The following FOXP2 variants were observed in gnomAD, a reference collection of about 807,000 sequenced individuals.
FOXP2 encodes forkhead box P2, also known as forkhead box protein P2.
A neutral mutation model predicts 115.8 loss-of-function variants in FOXP2; 12 were observed. The ratio of observed to expected loss-of-function variants is 0.10; its 90% confidence interval spans 0.07 to 0.17. The LOEUF is 0.17. Among genes scored for constraint, FOXP2 ranks in the 10% least tolerant of loss-of-function variants. FOXP2 has a pLI of 1.00. For missense variants in FOXP2, 629 were observed against 843.5 expected (o/e 0.75, Z 3.15); for synonymous variants, 328 against 297.7 (o/e 1.10, Z -1.05).
At chr7:114,088,516 T>A (rs1450218331) in intron 1 of FOXP2, among the ~76,000 whole-genome samples, 1 of 152,260 alleles carries the variant, frequency 6.6e-6, no homozygotes, top group Non-Finnish European at 1.5e-5. Flanking sequence ...GATTTACTTT[T>A]AGAAAACAAA....
At chr7:114,130,432 C>G (rs953826860) in intron 1 of FOXP2, among the ~76,000 whole-genome samples, 2 of 152,116 alleles carry the variant, frequency 1.3e-5, no homozygotes, top group Admixed American at 1.3e-4. Context: ...TGTTCATTTT[C>G]CTCATTATTT....
intron 2 of FOXP2, among the ~76,000 whole-genome samples, chr7:114,389,387 A>G (rs970229214): frequency 1.3e-5 from 2 of 152,218 alleles, no homozygotes; most frequent in African/African-American, 4.8e-5. Context: ...GGGGCCTTAA[A>G]GAAATGTTAT....
In FOXP2 at chr7:114,334,931, C is replaced by CTATATATATATATATA. The variant is rs144511332; in HGVS notation, c.-11+46835_-11+46850dup. Among the ~76,000 whole-genome samples the CTATATATATATATATA allele has an allele frequency of 6.2e-3, 739 of 119,206 alleles. 8 individuals are homozygous for CTATATATATATATATA. Among genetic ancestry groups the CTATATATATATATATA allele is most frequent in the East Asian group, 0.018 (59 of 3,324 alleles). 78.2% of individuals were successfully genotyped at this position (119,206 alleles called of 152,430 possible). On this transcript the variant is annotated intron_variant, in intron 2 of 17. Transcript: ENST00000634411. ...ATATATATTTTATATATATAGAAATCTATATATATATATATATATATATAT... is the reference window on the plus strand; with the variant it reads ...ATATATATTTTATATATATAGAAATCTATATATATATATATATATATATATATATATATATATATAT...
chr7:114,094,831 T>C (rs1799610274), intron 1 of FOXP2, among the ~76,000 whole-genome samples: 1 of 151,994 alleles, frequency 6.6e-6, no homozygotes, highest in Admixed American at 6.6e-5. Flanking sequence ...CACTAAATTT[T>C]TAAAATTTTA....
chr7:114,111,936 G>A (rs1868757), intron 1 of FOXP2, among the ~76,000 whole-genome samples: 70,573 of 151,306 alleles, frequency 0.47, 17,471 homozygotes, highest in African/African-American at 0.63. Context: ...AAAAATGGGT[G>A]TTTATTCAAG....
chr7:114,420,437 C>T (rs1318577717), intron 1 of FOXP2, among the ~76,000 whole-genome samples: 9 of 151,846 alleles, frequency 5.9e-5, no homozygotes, highest in African/African-American at 1.4e-4. Flanking sequence ...GTTTCCTAAA[C>T]GAAAATATTC....
intron 2 of FOXP2, among the ~76,000 whole-genome samples, chr7:114,363,115 G>A (rs188452909): frequency 6.6e-6 from 1 of 152,154 alleles, no homozygotes; most frequent in Admixed American, 6.5e-5. Context: ...AACAAAGAAA[G>A]TAAAATGTAA....
chr7:114,465,285 T>C (rs1015115575), intron 2 of FOXP2, among the ~76,000 whole-genome samples: 2 of 152,160 alleles, frequency 1.3e-5, no homozygotes, highest in African/African-American at 4.8e-5. Context: ...TTTAAAGCTT[T>C]ATTTTCACAA....
chr7:114,356,388 C>A (rs1187607469), intron 2 of FOXP2, among the ~76,000 whole-genome samples: 1 of 152,102 alleles, frequency 6.6e-6, no homozygotes, highest in Non-Finnish European at 1.5e-5. Context: ...TCTGTTAATT[C>A]AGGGTCAAGC....
At chr7:114,387,950 C>A (rs143612207) in intron 2 of FOXP2, among the ~76,000 whole-genome samples, 1,603 of 152,264 alleles carry the variant, frequency 0.011, 21 homozygotes, top group Admixed American at 0.019. Context: ...TCGCACCATT[C>A]ATTTTCAACT....
At chr7:114,664,699 A>G in intron 16 of FOXP2, 1 of 475,206 alleles carries the variant, frequency 2.1e-6, no homozygotes, top group South Asian at 2.1e-5. Flanking sequence ...TTGGGCATAA[A>G]GCAGTGTCTA....
chr7:114,567,567 G>A (rs1391416542), intron 3 of FOXP2, among the ~76,000 whole-genome samples: 1 of 152,046 alleles, frequency 6.6e-6, no homozygotes, highest in Non-Finnish European at 1.5e-5. Context: ...TACATTGTGT[G>A]GCCTTTTCAC....
Position 114,304,669 on chromosome 7 carries a change from C to CAA in FOXP2, c.-11+16586_-11+16587dup, listed in dbSNP as rs71157580. Among the ~76,000 whole-genome samples, 95 of 65,114 alleles carry CAA rather than the reference C, an allele frequency of 1.5e-3. 6 individuals carry two copies. The highest frequency in any genetic ancestry group is 4.6e-3 in the African/African-American group (70 of 15,198). 42.7% of individuals were successfully genotyped at this position (65,114 alleles called of 152,430 possible). ...TAGGTGACAGAGTGAGACTCTGTCT[C>CAA]AAAAAAAAAAAAAAAAAAAAAAAAA... On this transcript the variant is annotated intron_variant, in intron 2 of 17. Coordinates refer to the FOXP2 transcript ENST00000634411.
intron 2 of FOXP2, among the ~76,000 whole-genome samples, chr7:114,440,262 G>T (rs1794542361): frequency 6.6e-6 from 1 of 152,076 alleles, no homozygotes; most frequent in African/African-American, 2.4e-5. Context: ...CCATCATATT[G>T]TTTCATAGGC....
At chr7:114,667,457 G>A (rs1474616555) in intron 16 of FOXP2, 1 of 152,068 alleles carries the variant, frequency 6.6e-6, no homozygotes, top group Non-Finnish European at 1.5e-5. Context: ...GAAACAATAT[G>A]ACACAAGGAC....
chr7:114,331,326 A>C (rs1233569065), intron 2 of FOXP2, among the ~76,000 whole-genome samples: 1 of 152,216 alleles, frequency 6.6e-6, no homozygotes, highest in Non-Finnish European at 1.5e-5. Context: ...TCTCAGGTTA[A>C]TGTGATAGCA....
intron 1 of FOXP2, among the ~76,000 whole-genome samples, chr7:114,177,907 C>T (rs916883669): frequency 1.3e-5 from 2 of 151,866 alleles, no homozygotes; most frequent in African/African-American, 4.8e-5. Context: ...GAACTTACTC[C>T]TTCTGTCTAA....
chr7:114,245,887 C>A (rs535367390), intron 1 of FOXP2, among the ~76,000 whole-genome samples: 1 of 151,822 alleles, frequency 6.6e-6, no homozygotes, highest in Non-Finnish European at 1.5e-5. Flanking sequence ...TACATTTGTA[C>A]GAAACTGTAC....
chr7:114,271,562 ATATAATATAATTTATATATTAATATTAT>A (rs1217322628), intron 1 of FOXP2, among the ~76,000 whole-genome samples: 1 of 127,626 alleles, frequency 7.8e-6, no homozygotes, highest in South Asian at 2.2e-4. Flanking sequence ...AATATATAAT[ATATAATATAATTTATATATTAATATTAT>A]TATAATATAA....
Sources: gnomAD v4.1 joint callset for allele counts (sites outside exome capture counted in the v4.1 genomes callset) on GRCh38, gnomAD v4.1.1 for gene constraint, MANE v1.5 for transcripts, NCBI Gene and HGNC (gene_info 2026-07-23, HGNC 2026-07-21) for gene names.